Variants in ZNF223 observed in about 807,000 individuals in gnomAD.
ZNF223 encodes the protein Homo sapiens zinc finger protein 223.
In ZNF223, 9 loss-of-function variants were observed where a neutral mutation model predicts 12.3. The observed-to-expected ratio is 0.73, with a 90% CI of 0.44 to 1.28. The LOEUF (loss-of-function observed/expected upper bound fraction) is 1.28, where lower values mean the gene tolerates loss of function less well. ZNF223 is among the 50% of genes most tolerant of loss of function. The pLI is 0.00. For synonymous variants in ZNF223, 171 were observed against 195.2 expected, an observed-to-expected ratio of 0.88 and a Z score of 1.03; for missense variants, 506 against 579.0, an observed-to-expected ratio of 0.87 and a Z score of 1.29.
In ZNF223 at chr19:44,067,255, C is replaced by T. The variant is rs1347948143; in HGVS notation, c.1427C>T (p.Ser476Leu). 6.2e-7 allele frequency: 1 copy of T among 1,607,712 alleles called. No homozygotes were observed. The highest frequency in any genetic ancestry group is 2.2e-5 in the East Asian group (1 of 44,848). Residue 476 changes from serine to leucine, a missense_variant, in exon 5 of 5, where the codon TCA becomes TTA. By Grantham distance (145) the Ser-to-Leu change is moderately radical. Coordinates refer to ENST00000434772, the MANE Select transcript of ZNF223 (RefSeq NM_013361.6). Reference sequence around the variant, plus strand: ...CGCTTGAATCTTGATATAATTTTATCATTATTTTTAAATGACACGTAAGTG... The same window carrying T: ...CGCTTGAATCTTGATATAATTTTATTATTATTTTTAAATGACACGTAAGTG... ...KRRLNLDIIL[S>L]LFLNDT
At chr19:44,061,899 C>T (rs999808192) in intron 4 of ZNF223, among the ~76,000 whole-genome samples, 2 of 152,196 alleles carry the variant, frequency 1.3e-5, no homozygotes, top group Non-Finnish European at 2.9e-5. Context: ...TCTTCAAGCA[C>T]CCTATTGAAA....
At chr19:44,053,742 C>G (rs1280146678) in intron 1 of ZNF223, among the ~76,000 whole-genome samples, 1 of 152,218 alleles carries the variant, frequency 6.6e-6, no homozygotes, top group African/African-American at 2.4e-5. Context: ...CAGGCTGTCT[C>G]AGTGGGTGGA....
chr19:44,058,317 G>A (rs979467948), intron 2 of ZNF223, among the ~76,000 whole-genome samples: 1 of 149,796 alleles, frequency 6.7e-6, no homozygotes. Flanking sequence ...TATGTCCATC[G>A]ACCTCCCCTG....
At chr19:44,060,895 C>T (rs1256895919) in intron 4 of ZNF223, 54 bp downstream of exon 4, 4 of 1,500,578 alleles carry the variant, frequency 2.7e-6, no homozygotes, top group Non-Finnish European at 3.7e-6. Context: ...TGTTTTACTT[C>T]TGTGCACGTC....
chr19:44,055,965 T>A (rs1380204750), intron 2 of ZNF223, among the ~76,000 whole-genome samples: 1 of 152,010 alleles, frequency 6.6e-6, no homozygotes. Context: ...TCTGCTCAAG[T>A]GAAAGAGAGA....
intron 2 of ZNF223, among the ~76,000 whole-genome samples, chr19:44,058,889 C>T (rs1976802294): frequency 6.6e-6 from 1 of 152,210 alleles, no homozygotes; most frequent in South Asian, 2.1e-4. Flanking sequence ...CAGCTTTAGC[C>T]TTCTTGCCCA....
In ZNF223 at chr19:44,060,777, C is replaced by A. The variant is rs1335078101; in HGVS notation, c.171C>A (p.Phe57Leu). The A allele has an allele frequency of 6.2e-7, 1 of 1,614,074 alleles. No homozygotes were observed. The highest frequency in any genetic ancestry group is 1.1e-5 in the South Asian group (1 of 91,062). Reference sequence around the variant, plus strand: ...ATCAACCATTCCACCGAGATACTTTCCACTTTCTAAGGGAGGAAAAGTTTT... The same window carrying A: ...ATCAACCATTCCACCGAGATACTTTACACTTTCTAAGGGAGGAAAAGTTTT... ...VGHQPFHRDT[F>L]HFLREEKFWM... is the part of the protein sequence containing the mutation. The change falls in exon 4 of 5, where the codon TTC (phenylalanine) becomes TTA (leucine). Residue 57 changes from phenylalanine to leucine, a missense_variant. By Grantham distance (22) the Phe-to-Leu change is conservative. Transcript: ENST00000434772.
intron 2 of ZNF223, among the ~76,000 whole-genome samples, chr19:44,056,966 A>C (rs1976778198): frequency 6.6e-6 from 1 of 152,222 alleles, no homozygotes; most frequent in African/African-American, 2.4e-5. Flanking sequence ...TAGTTAAGGA[A>C]GAATAAATCC....
chr19:44,054,159 A>AACT (rs1317069215), intron 1 of ZNF223, among the ~76,000 whole-genome samples: 1 of 151,484 alleles, frequency 6.6e-6, no homozygotes, highest in Non-Finnish European at 1.5e-5. Context: ...CAGGAGTGTT[A>AACT]AGATGCCCTT....
At chr19:44,052,954 G>C (rs1329444993) in intron 1 of ZNF223, among the ~76,000 whole-genome samples, 1 of 152,064 alleles carries the variant, frequency 6.6e-6, no homozygotes. Context: ...CTAGCATCAT[G>C]TTATCTAATC....
intron 4 of ZNF223, among the ~76,000 whole-genome samples, chr19:44,065,439 T>C (rs145259207): frequency 1.3e-5 from 2 of 152,200 alleles, no homozygotes; most frequent in Non-Finnish European, 2.9e-5. Flanking sequence ...TAATTTATCA[T>C]GTAAAATTTC....
Position 44,060,485 on chromosome 19 carries a change from GTCT to G in ZNF223, c.49_51del (p.Phe17del), listed in dbSNP as rs763879647. 7.4e-6 allele frequency: 12 copies of G among 1,614,036 alleles called. No homozygotes were observed. The African/African-American group carries it at 1.6e-4, about 22-fold the overall frequency. On this transcript the variant is annotated inframe_deletion, in exon 3 of 5. Transcript: ENST00000434772. Reference sequence around the variant, plus strand: ...AGTGACCTTCAAGGATGTGGCAGTGGTCTTCACTGAGGAGGAGCTGGGGCTGCT... The same window carrying G: ...AGTGACCTTCAAGGATGTGGCAGTGGTCACTGAGGAGGAGCTGGGGCTGCT...
intron 2 of ZNF223, among the ~76,000 whole-genome samples, chr19:44,058,165 A>G (rs1324489090): frequency 6.6e-6 from 1 of 152,162 alleles, no homozygotes; most frequent in Non-Finnish European, 1.5e-5. Context: ...TCCCCATAAT[A>G]TTGCATTCTT....
At position 44,067,164 on chromosome 19, in the gene ZNF223, C is replaced by T. The variant is rs748752576; in HGVS notation, c.1336C>T (p.Gln446Ter). ...TGTATACCGGTCATACCGTAAAGAC[C>T]AACAAAAAAACCACAGTGGAGAAAA... ...KLVYRSYRKD[Q>*]QKNHSGENPS... is the part of the protein sequence containing the mutation. The change falls in exon 5 of 5, where the codon CAA becomes TAA. Residue 446 changes from glutamine (Q) to a stop codon, truncating the protein, a stop_gained. Coordinates refer to ENST00000434772, the MANE Select transcript of ZNF223 (RefSeq NM_013361.6). LOFTEE classifies it low-confidence loss of function (END_TRUNC). The T allele has an allele frequency of 1.2e-6, 2 of 1,611,898 alleles. No homozygotes were observed. The highest frequency in any genetic ancestry group is 1.7e-6 in the Non-Finnish European group (2 of 1,179,498).
Position 44,066,275 on chromosome 19 carries a change from T to G in ZNF223, c.447T>G (p.Asn149Lys), listed in dbSNP as rs774971796. Residue 149 changes from asparagine (N) to lysine (K), a missense_variant, in exon 5 of 5, where the codon AAT (asparagine) becomes AAG (lysine). Transcript: ENST00000434772. ...SIMHTGQKPS[N>K]CGKCKQSFSD... ...TGCACACAGGACAGAAACCTTCCAA[T>G]TGTGGGAAGTGTAAACAATCCTTCA... 1 of 1,614,244 alleles carries G rather than the reference T, an allele frequency of 6.2e-7. No homozygotes were observed. Among genetic ancestry groups the G allele is most frequent in the Non-Finnish European group, 8.5e-7 (1 of 1,180,032 alleles).
chr19:44,053,853 T>G (rs1976731712), intron 1 of ZNF223, among the ~76,000 whole-genome samples: 1 of 152,160 alleles, frequency 6.6e-6, no homozygotes, highest in South Asian at 2.1e-4. Flanking sequence ...GGCAATGACT[T>G]TTACCAAGCA....
intron 4 of ZNF223, among the ~76,000 whole-genome samples, chr19:44,062,776 T>C (rs1976858409): frequency 6.6e-6 from 1 of 152,242 alleles, no homozygotes; most frequent in Non-Finnish European, 1.5e-5. Context: ...TAGCTTTCCT[T>C]TGAGAGATTT....
rs1976829008 is a variant in ZNF223 at position 44,060,857 on chromosome 19, CTG to C, written c.235+22_235+23del. The C allele has an allele frequency of 6.2e-7, 1 of 1,602,620 alleles. No individual in the cohort carries two copies. Among genetic ancestry groups the C allele is most frequent in the Non-Finnish European group, 8.5e-7 (1 of 1,171,210 alleles). ...GGGAATTCAGGTAAGAAGCACGCAA[CTG>C]TGTGTCCTTGTTTGTGACTTCCATC... On this transcript the variant is annotated intron_variant, in intron 4 of 4. Coordinates refer to ENST00000434772, the MANE Select transcript of ZNF223 (RefSeq NM_013361.6).
At chr19:44,061,274 A>G (rs7254261) in intron 4 of ZNF223, among the ~76,000 whole-genome samples, 74,647 of 152,026 alleles carry the variant, frequency 0.49, 21,001 homozygotes, top group Non-Finnish European at 0.65. Context: ...CTGGTACCCA[A>G]TGACCACGAA....
Sources: gnomAD v4.1 joint callset for allele counts (sites outside exome capture counted in the v4.1 genomes callset) on GRCh38, gnomAD v4.1.1 for gene constraint, MANE v1.5 for transcripts, NCBI Gene and HGNC (gene_info 2026-07-23, HGNC 2026-07-21) for gene names.